The following CDKAL1 variants were observed in gnomAD, a reference collection of about 807,000 sequenced individuals.
The protein encoded by CDKAL1 is CDKAL1 threonylcarbamoyladenosine tRNA methylthiotransferase.
In CDKAL1, 32 loss-of-function variants were observed where a neutral mutation model predicts 68.2. The observed-to-expected ratio is 0.47, with a 90% CI of 0.35 to 0.63. CDKAL1 has a LOEUF of 0.63. CDKAL1 is among the 30% of genes least tolerant of loss of function. The pLI is 0.00. For missense variants in CDKAL1, 606 were observed against 696.7 expected (o/e 0.87, Z 1.47); for synonymous variants, 234 against 244.3 (o/e 0.96, Z 0.39).
rs577225586 is a variant in CDKAL1, at chr6:20,889,309, C to G, written c.742+43131C>G. 8.0e-3 allele frequency among the ~76,000 whole-genome samples: 1,215 copies of G among 152,190 alleles called. 7 individuals are homozygous for G. Among genetic ancestry groups the G allele is most frequent in the Non-Finnish European group, 0.013 (905 of 68,006 alleles). ...TGAGTAGGTTGCGAAAATTTTCTCC[C>G]ATGTTGTAGGTTGCCTATTCACTCT... On this transcript the variant is annotated intron_variant, in intron 9 of 15. Coordinates refer to ENST00000274695, the MANE Select transcript of CDKAL1 (RefSeq NM_017774.3).
At chr6:20,713,201 T>G (rs1294633688) in intron 5 of CDKAL1, among the ~76,000 whole-genome samples, 7 of 152,224 alleles carry the variant, frequency 4.6e-5, no homozygotes, top group Admixed American at 4.6e-4. Context: ...TTCTGCCATA[T>G]CTTTACTTGC....
At chr6:21,064,914 TTGAAAC>T (rs767377775) in intron 11 of CDKAL1, 128 bp from the exon 12 acceptor site, 5 of 533,918 alleles carry the variant, frequency 9.4e-6, no homozygotes, top group Non-Finnish European at 1.2e-5. Flanking sequence ...TTAGGACTCT[TTGAAAC>T]TATTTGCACG....
intron 9 of CDKAL1, among the ~76,000 whole-genome samples, chr6:20,942,315 A>G (rs536142335): frequency 6.6e-6 from 1 of 151,134 alleles, no homozygotes; most frequent in African/African-American, 2.4e-5. Context: ...TTTTGCATCA[A>G]GTGTAAACCC....
intron 9 of CDKAL1, among the ~76,000 whole-genome samples, chr6:20,931,215 T>C (rs930735607): frequency 6.6e-6 from 1 of 152,200 alleles, no homozygotes; most frequent in African/African-American, 2.4e-5. Context: ...TTTAATGATA[T>C]ATATGCAATA....
intron 2 of CDKAL1, among the ~76,000 whole-genome samples, chr6:20,537,036 C>CTTTTGT (rs1311162071): frequency 1.3e-5 from 2 of 151,800 alleles, no homozygotes; most frequent in African/African-American, 4.8e-5. Context: ...TCTTTTTTTT[C>CTTTTGT]TTTTGTTTTT....
chr6:20,846,342 T>C (rs1287634426), intron 9 of CDKAL1, among the ~76,000 whole-genome samples, 164 bp downstream of exon 9: 2 of 152,186 alleles, frequency 1.3e-5, no homozygotes, highest in African/African-American at 4.8e-5. Flanking sequence ...AATCACTTAG[T>C]TTATTTTTAC....
intron 7 of CDKAL1, among the ~76,000 whole-genome samples, chr6:20,767,442 T>C (rs1217081930): frequency 6.6e-6 from 1 of 152,102 alleles, no homozygotes; most frequent in Non-Finnish European, 1.5e-5. Flanking sequence ...TGATAGGACA[T>C]AGAAATTATC....
At chr6:21,168,357 A>G (rs1777235150) in intron 13 of CDKAL1, among the ~76,000 whole-genome samples, 1 of 152,194 alleles carries the variant, frequency 6.6e-6, no homozygotes, top group Non-Finnish European at 1.5e-5. Flanking sequence ...GATCATTTTC[A>G]GGTTCCTAAC....
intron 13 of CDKAL1, among the ~76,000 whole-genome samples, chr6:21,172,895 C>A (rs1248304676): frequency 6.6e-6 from 1 of 152,022 alleles, no homozygotes; most frequent in Non-Finnish European, 1.5e-5. Flanking sequence ...TAATTATTTT[C>A]TCCAATGACT....
chr6:20,718,453 C>G (rs2127840852), intron 5 of CDKAL1, among the ~76,000 whole-genome samples: 1 of 152,242 alleles, frequency 6.6e-6, no homozygotes, highest in Admixed American at 6.5e-5. Flanking sequence ...TGTTTTATTT[C>G]TTCTGTTAGG....
intron 2 of CDKAL1, among the ~76,000 whole-genome samples, chr6:20,537,002 A>G (rs900057375): frequency 6.6e-6 from 1 of 152,130 alleles, no homozygotes. Flanking sequence ...TCATTCAGCT[A>G]TCTTGGGGCT....
intron 4 of CDKAL1, among the ~76,000 whole-genome samples, chr6:20,597,087 G>A (rs11758281): frequency 0.23 from 34,878 of 152,020 alleles, 4,930 homozygotes; most frequent in East Asian, 0.53. Flanking sequence ...GTTCCTATTT[G>A]GCCATCTTGC....
At chr6:20,762,799 C>T (rs1478962045) in intron 7 of CDKAL1, among the ~76,000 whole-genome samples, 1 of 152,180 alleles carries the variant, frequency 6.6e-6, no homozygotes, top group Non-Finnish European at 1.5e-5. Flanking sequence ...AGTGACTCTC[C>T]TTTCAATCTG....
chr6:20,839,070 C>T (rs1778073120), intron 8 of CDKAL1, among the ~76,000 whole-genome samples: 1 of 151,314 alleles, frequency 6.6e-6, no homozygotes, highest in South Asian at 2.1e-4. Context: ...TTAGCTGATT[C>T]AAACCAATAT....
chr6:21,219,318 A>G (rs1438413919), intron 15 of CDKAL1, among the ~76,000 whole-genome samples: 2 of 152,198 alleles, frequency 1.3e-5, no homozygotes, highest in Non-Finnish European at 2.9e-5. Context: ...TATCTAATAC[A>G]ATGCCTACAC....
At chr6:21,081,214 A>G (rs1243819344) in intron 12 of CDKAL1, among the ~76,000 whole-genome samples, 2 of 152,338 alleles carry the variant, frequency 1.3e-5, no homozygotes, top group African/African-American at 4.8e-5. Flanking sequence ...AAGAGGAAGA[A>G]GATATGTGGT....
At chr6:20,811,632 A>G (rs1429380463) in intron 8 of CDKAL1, among the ~76,000 whole-genome samples, 1 of 152,160 alleles carries the variant, frequency 6.6e-6, no homozygotes, top group Non-Finnish European at 1.5e-5. Context: ...ATTCAGCATT[A>G]TGGCAAGCAT....
intron 9 of CDKAL1, among the ~76,000 whole-genome samples, chr6:20,948,308 A>T (rs561889284): frequency 2.6e-5 from 4 of 152,266 alleles, no homozygotes; most frequent in East Asian, 1.9e-4. Context: ...ATGAGCTACT[A>T]TGCCTGGCCC....
At chr6:21,216,261 T>TATC (rs1209434921) in intron 15 of CDKAL1, among the ~76,000 whole-genome samples, 1 of 152,186 alleles carries the variant, frequency 6.6e-6, no homozygotes, top group Non-Finnish European at 1.5e-5. Context: ...ATTGGGAACT[T>TATC]ATCAGACTGA....
Sources: allele counts gnomAD v4.1 joint callset (sites outside exome capture counted in the v4.1 genomes callset), GRCh38; gene constraint gnomAD v4.1.1; transcripts MANE v1.5; gene names NCBI Gene and HGNC (gene_info 2026-07-23, HGNC 2026-07-21).